The following RBFOX3 variants were observed in gnomAD, a reference collection of about 807,000 sequenced individuals.
RBFOX3 encodes RNA binding fox-1 homolog 3.
Under a neutral mutation model 48.7 loss-of-function variants are expected in RBFOX3, and 17 were observed. The observed-to-expected ratio is 0.35, with a 90% CI of 0.24 to 0.52. The LOEUF (loss-of-function observed/expected upper bound fraction) is 0.52, where lower values mean the gene tolerates loss of function less well. Ranked by LOEUF, RBFOX3 falls within the 20% of genes least tolerant of loss-of-function variation. The pLI, the probability that RBFOX3 is intolerant of heterozygous loss-of-function variation, is 0.94. For missense variants in RBFOX3, 382 were observed against 497.5 expected, an observed-to-expected ratio of 0.77 and a Z score of 2.21; for synonymous variants, 212 against 209.5, an observed-to-expected ratio of 1.01 and a Z score of -0.10.
intron 3 of RBFOX3, among the ~76,000 whole-genome samples, chr17:79,302,407 T>C (rs911025905): frequency 6.6e-5 from 10 of 152,158 alleles, no homozygotes; most frequent in Admixed American, 4.6e-4. Context: ...TGGCCAGGTG[T>C]GGTGGCTCAC....
chr17:79,181,254 T>A (rs998326288), intron 4 of RBFOX3, among the ~76,000 whole-genome samples: 1 of 152,110 alleles, frequency 6.6e-6, no homozygotes, highest in Admixed American at 6.5e-5. Context: ...AATCCTACAC[T>A]CTATCTGCAG....
intron 3 of RBFOX3, among the ~76,000 whole-genome samples, chr17:79,290,358 C>T (rs1237609302): frequency 1.3e-5 from 2 of 152,018 alleles, no homozygotes; most frequent in Non-Finnish European, 2.9e-5. Context: ...TGTGTGGGCC[C>T]GGGTAAGCCA....
At chr17:79,217,022 C>A (rs2059146984) in intron 4 of RBFOX3, among the ~76,000 whole-genome samples, 1 of 152,212 alleles carries the variant, frequency 6.6e-6, no homozygotes, top group Admixed American at 6.5e-5. Flanking sequence ...CCAAAGCAGG[C>A]AGGGGGCCCC....
At chr17:79,170,147 A>AGGAAGGG (rs1244469275) in intron 4 of RBFOX3, among the ~76,000 whole-genome samples, 17 of 142,576 alleles carry the variant, frequency 1.2e-4, no homozygotes, top group Middle Eastern at 3.4e-3. Context: ...GGAGGGAAGG[A>AGGAAGGG]AGGAAGGGAG....
chr17:79,260,910 G>C (rs1027800054), intron 3 of RBFOX3, among the ~76,000 whole-genome samples: 5 of 152,062 alleles, frequency 3.3e-5, no homozygotes, highest in Non-Finnish European at 7.4e-5. Context: ...CCTCCTCACT[G>C]GCCCTGGCAC....
intron 14 of RBFOX3, among the ~76,000 whole-genome samples, chr17:79,093,268 GCCTCCCAC>G (rs2074340240): frequency 6.6e-6 from 1 of 152,156 alleles, no homozygotes; most frequent in Non-Finnish European, 1.5e-5. Context: ...CTCTGAAGGG[GCCTCCCAC>G]CCTCCCACCA....
At chr17:79,453,881 G>T (rs1362538104) in intron 2 of RBFOX3, among the ~76,000 whole-genome samples, 1 of 152,162 alleles carries the variant, frequency 6.6e-6, no homozygotes, top group Non-Finnish European at 1.5e-5. Flanking sequence ...GGAGAGGAAA[G>T]GGGGCTGACT....
At chr17:79,113,374 A>T (rs1290176687) in intron 5 of RBFOX3, among the ~76,000 whole-genome samples, 2 of 152,066 alleles carry the variant, frequency 1.3e-5, no homozygotes, top group East Asian at 3.9e-4. Context: ...CACCACGCCG[A>T]TGCCGTAACT....
intron 1 of RBFOX3, among the ~76,000 whole-genome samples, chr17:79,567,631 T>G (rs1329821353): frequency 6.6e-6 from 1 of 152,234 alleles, no homozygotes; most frequent in Non-Finnish European, 1.5e-5. Context: ...CCCATAAATA[T>G]GTACAGCTAT....
intron 1 of RBFOX3, among the ~76,000 whole-genome samples, chr17:79,556,955 C>T (rs2091804478): frequency 6.6e-6 from 1 of 152,118 alleles, no homozygotes; most frequent in Non-Finnish European, 1.5e-5. Context: ...TACTGAGAAA[C>T]TGACAAGGCT....
chr17:79,312,555 G>T (rs970976727), intron 2 of RBFOX3, among the ~76,000 whole-genome samples: 1 of 152,130 alleles, frequency 6.6e-6, no homozygotes. Flanking sequence ...GGTCCCCAAG[G>T]TGGGGGCAGG....
intron 2 of RBFOX3, among the ~76,000 whole-genome samples, chr17:79,404,824 A>G (rs889410188): frequency 6.6e-6 from 1 of 152,036 alleles, no homozygotes; most frequent in African/African-American, 2.4e-5. Flanking sequence ...ACCCCACACC[A>G]AGTTTTAGGC....
chr17:79,304,820 T>A (rs1273629679), intron 3 of RBFOX3, among the ~76,000 whole-genome samples: 2 of 152,174 alleles, frequency 1.3e-5, no homozygotes, highest in Non-Finnish European at 2.9e-5. Flanking sequence ...AAGGTGCTGG[T>A]GGCTGTTGGG....
At chr17:79,509,709 C>T (rs958828276) in intron 1 of RBFOX3, among the ~76,000 whole-genome samples, 4 of 151,928 alleles carry the variant, frequency 2.6e-5, no homozygotes, top group Non-Finnish European at 4.4e-5. Context: ...CGTCGCACCC[C>T]AGGCCCTCGG....
chr17:79,464,382 A>G (rs1223365542), intron 2 of RBFOX3, among the ~76,000 whole-genome samples: 1 of 152,238 alleles, frequency 6.6e-6, no homozygotes, highest in East Asian at 1.9e-4. Context: ...GGTGCCGTCC[A>G]TCAATACCGC....
At chr17:79,120,897 A>G (rs1366795986) in intron 4 of RBFOX3, among the ~76,000 whole-genome samples, 1 of 151,588 alleles carries the variant, frequency 6.6e-6, no homozygotes, top group Non-Finnish European at 1.5e-5. Flanking sequence ...TTCCTGCTCT[A>G]CTCCACAGCC....
At chr17:79,333,722 C>G (rs1024423892) in intron 2 of RBFOX3, among the ~76,000 whole-genome samples, 6 of 152,204 alleles carry the variant, frequency 3.9e-5, no homozygotes, top group Non-Finnish European at 5.9e-5. Flanking sequence ...CAGTCAGCCC[C>G]TGGATGGGAG....
At chr17:79,430,339 C>G (rs1480131745) in intron 2 of RBFOX3, among the ~76,000 whole-genome samples, 1 of 151,762 alleles carries the variant, frequency 6.6e-6, no homozygotes, top group East Asian at 1.9e-4. Context: ...AAAATAGACT[C>G]AAACATAACA....
intron 4 of RBFOX3, among the ~76,000 whole-genome samples, chr17:79,213,138 T>C (rs939369611): frequency 6.6e-6 from 1 of 152,162 alleles, no homozygotes; most frequent in Non-Finnish European, 1.5e-5. Flanking sequence ...ATTACAGGTG[T>C]GAGCTACCAC....
Sources: allele counts gnomAD v4.1 joint callset (sites outside exome capture counted in the v4.1 genomes callset), GRCh38; gene constraint gnomAD v4.1.1; transcripts MANE v1.5; gene names NCBI Gene and HGNC (gene_info 2026-07-23, HGNC 2026-07-21).